Variants in CCDC85A observed in about 807,000 individuals in gnomAD.
CCDC85A encodes coiled-coil domain-containing protein 85A.
A neutral mutation model predicts 50.2 loss-of-function variants in CCDC85A; 38 were observed. The observed-to-expected ratio is 0.76, with a 90% CI of 0.58 to 0.99. The LOEUF (loss-of-function observed/expected upper bound fraction) is 0.99. Among genes scored for constraint, CCDC85A ranks in the 50% least tolerant of loss-of-function variants. The probability of loss-of-function intolerance (pLI) is 0.00; values close to 1 mark genes in which losing one functional copy is unlikely to be tolerated. For missense variants in CCDC85A, 820 were observed against 742.0 expected, an observed-to-expected ratio of 1.11 and a Z score of -1.22; for synonymous variants, 366 against 301.4, an observed-to-expected ratio of 1.21 and a Z score of -2.22.
At chr2:56,302,147 T>A (rs543939942) in intron 2 of CCDC85A, among the ~76,000 whole-genome samples, 1 of 151,886 alleles carries the variant, frequency 6.6e-6, no homozygotes, top group East Asian at 1.9e-4. Context: ...TCCCAGCTAA[T>A]CGGGAGGCTG....
chr2:56,278,069 A>G (rs1671039782), intron 2 of CCDC85A, among the ~76,000 whole-genome samples: 2 of 152,148 alleles, frequency 1.3e-5, no homozygotes, highest in African/African-American at 4.8e-5. Context: ...ATGCTGGCCT[A>G]GAGCTCAGGA....
intron 3 of CCDC85A, among the ~76,000 whole-genome samples, chr2:56,359,400 G>A (rs1005879881): frequency 3.9e-5 from 6 of 152,138 alleles, no homozygotes. Context: ...TAGGAAATTT[G>A]TACTTTTTTG....
intron 2 of CCDC85A, among the ~76,000 whole-genome samples, chr2:56,238,990 C>T (rs1669141802): frequency 6.6e-6 from 1 of 151,886 alleles, no homozygotes; most frequent in South Asian, 2.1e-4. Flanking sequence ...ACTACTTATC[C>T]AAGAATATAA....
At chr2:56,291,422 G>T (rs914400437) in intron 2 of CCDC85A, among the ~76,000 whole-genome samples, 5 of 152,212 alleles carry the variant, frequency 3.3e-5, no homozygotes, top group South Asian at 2.1e-4. Context: ...AGAGCTGGTG[G>T]TAAGTGCTGT....
intron 2 of CCDC85A, among the ~76,000 whole-genome samples, chr2:56,326,751 C>A (rs922458947): frequency 1.3e-5 from 2 of 152,074 alleles, no homozygotes; most frequent in African/African-American, 4.8e-5. Context: ...TCTTTCATAA[C>A]TTTTTGACTG....
rs9750062 is a variant in CCDC85A at position 56,322,557 on chromosome 2, G to A, written c.1241-20322G>A. Among the ~76,000 whole-genome samples the A allele has an allele frequency of 2.6e-3, 399 of 152,098 alleles. 1 individual carries two copies. Among genetic ancestry groups the A allele is most frequent in the Non-Finnish European group, 4.4e-3 (300 of 67,952 alleles). On this transcript the variant is annotated intron_variant, in intron 2 of 5. Coordinates refer to ENST00000407595, the MANE Select transcript of CCDC85A (RefSeq NM_001080433.2). ...CACATGAAAAAATGCTCATCATCAC[G>A]GGCCATCAGAGAAATGCAAACCAAA... is the stretch of plus-strand genomic sequence containing the variant.
At chr2:56,283,568 G>C (rs1040173379) in intron 2 of CCDC85A, among the ~76,000 whole-genome samples, 4 of 152,100 alleles carry the variant, frequency 2.6e-5, no homozygotes, top group African/African-American at 9.7e-5. Context: ...ATTCTGATAT[G>C]TAACTTTTAA....
chr2:56,340,428 T>A (rs1474470349), intron 2 of CCDC85A, among the ~76,000 whole-genome samples: 1 of 152,184 alleles, frequency 6.6e-6, no homozygotes, highest in Non-Finnish European at 1.5e-5. Flanking sequence ...CTGAGGAGGT[T>A]GTTCTGCTTC....
chr2:56,228,713 T>G (rs1338429923), intron 2 of CCDC85A, among the ~76,000 whole-genome samples: 1 of 151,998 alleles, frequency 6.6e-6, no homozygotes, highest in African/African-American at 2.4e-5. Context: ...TTTTGTGTTT[T>G]TAGTAGAGAC....
rs185249890 is a variant in CCDC85A, at chr2:56,306,249, C to A, written c.1241-36630C>A. ...GGTTCAAGCGATTCTCCTGCCTCAA[C>A]CTCCCAAGTAGCTGCGATTACAAGT... On this transcript the variant is annotated intron_variant, in intron 2 of 5. Transcript: ENST00000407595. 2.8e-3 allele frequency among the ~76,000 whole-genome samples: 419 copies of A among 152,230 alleles called. 1 individual carries two copies. Among genetic ancestry groups the A allele is most frequent in the African/African-American group, 9.5e-3 (394 of 41,544 alleles).
At chr2:56,244,838 C>T in intron 2 of CCDC85A, among the ~76,000 whole-genome samples, 1 of 151,918 alleles carries the variant, frequency 6.6e-6, no homozygotes, top group African/African-American at 2.4e-5. Flanking sequence ...CCCTTCTGGC[C>T]AAGGGTGTTT....
chr2:56,286,030 A>G (rs1404990071), intron 2 of CCDC85A, among the ~76,000 whole-genome samples: 1 of 151,524 alleles, frequency 6.6e-6, no homozygotes, highest in Non-Finnish European at 1.5e-5. Context: ...CCCCAACAAT[A>G]TAAAGATGTT....
At chr2:56,220,599 T>G (rs544821274) in intron 2 of CCDC85A, among the ~76,000 whole-genome samples, 2 of 152,144 alleles carry the variant, frequency 1.3e-5, no homozygotes, top group East Asian at 3.9e-4. Flanking sequence ...TTGCAGACAG[T>G]TTAGCAGGTC....
At chr2:56,318,185 T>C (rs755519638) in intron 2 of CCDC85A, among the ~76,000 whole-genome samples, 2 of 152,092 alleles carry the variant, frequency 1.3e-5, no homozygotes, top group Admixed American at 6.6e-5. Context: ...ATATTCTTCT[T>C]TCTTATTGTG....
chr2:56,275,873 C>T (rs545173787), intron 2 of CCDC85A, among the ~76,000 whole-genome samples: 19 of 152,300 alleles, frequency 1.2e-4, no homozygotes, highest in African/African-American at 2.6e-4. Context: ...AAGTTCATCA[C>T]GAATCTTCTG....
chr2:56,294,203 C>T (rs918602641), intron 2 of CCDC85A, among the ~76,000 whole-genome samples: 7 of 152,044 alleles, frequency 4.6e-5, no homozygotes, highest in Admixed American at 6.6e-5. Context: ...AATCAAACAC[C>T]GAATGTTCTC....
chr2:56,196,977 G>A (rs1342458647), intron 2 of CCDC85A, among the ~76,000 whole-genome samples: 1 of 151,190 alleles, frequency 6.6e-6, no homozygotes, highest in Non-Finnish European at 1.5e-5. Context: ...CAGTAACATT[G>A]TGCTCTCCTT....
At chr2:56,331,250 A>T (rs1271718267) in intron 2 of CCDC85A, among the ~76,000 whole-genome samples, 1 of 152,062 alleles carries the variant, frequency 6.6e-6, no homozygotes, top group African/African-American at 2.4e-5. Flanking sequence ...GGGAGAGGGG[A>T]TGAGTGATAA....
At chr2:56,330,450 G>C (rs1673728381) in intron 2 of CCDC85A, among the ~76,000 whole-genome samples, 1 of 152,176 alleles carries the variant, frequency 6.6e-6, no homozygotes, top group Non-Finnish European at 1.5e-5. Context: ...GCTTCAAACT[G>C]TCCTGGGAGC....
Sources: allele counts gnomAD v4.1 joint callset (sites outside exome capture counted in the v4.1 genomes callset), GRCh38; gene constraint gnomAD v4.1.1; transcripts MANE v1.5; gene names NCBI Gene and HGNC (gene_info 2026-07-23, HGNC 2026-07-21).